Variants in NCAM1 observed in about 807,000 individuals in gnomAD.
The protein encoded by NCAM1 is antigen recognized by monoclonal antibody 5.1H11.
In NCAM1, 14 loss-of-function variants were observed where a neutral mutation model predicts 109.8. The observed-to-expected ratio is 0.13, with a 90% confidence interval of 0.08 to 0.20. The LOEUF (loss-of-function observed/expected upper bound fraction) is 0.20, where lower values mean the gene tolerates loss of function less well. Ranked by LOEUF, NCAM1 falls within the 10% of genes least tolerant of loss-of-function variation. The probability of loss-of-function intolerance (pLI) is 1.00; values close to 1 mark genes in which losing one functional copy is unlikely to be tolerated. For missense variants in NCAM1, 774 were observed against 1,109.9 expected (o/e 0.70, Z 4.30); for synonymous variants, 418 against 442.9 (o/e 0.94, Z 0.70).
At chr11:113,172,925 T>C (rs1943037488) in intron 1 of NCAM1, among the ~76,000 whole-genome samples, 1 of 152,220 alleles carries the variant, frequency 6.6e-6, no homozygotes, top group South Asian at 2.1e-4. Context: ...CGAACTGAGA[T>C]GCAAATGATG....
intron 1 of NCAM1, among the ~76,000 whole-genome samples, chr11:113,005,476 G>A (rs1555073162): frequency 6.6e-6 from 1 of 152,142 alleles, no homozygotes; most frequent in South Asian, 2.1e-4. Flanking sequence ...TTGCTCTGGT[G>A]TTCTGGGACT....
intron 1 of NCAM1, among the ~76,000 whole-genome samples, chr11:113,160,268 A>G (rs2136342656): frequency 6.6e-6 from 1 of 152,314 alleles, no homozygotes; most frequent in East Asian, 1.9e-4. Context: ...AGTTGACAGC[A>G]TGAATGCAAT....
intron 1 of NCAM1, among the ~76,000 whole-genome samples, chr11:113,051,088 T>C (rs59598942): frequency 0.19 from 29,420 of 152,118 alleles, 3,099 homozygotes; most frequent in East Asian, 0.46. Flanking sequence ...CCTGAACCAA[T>C]GTGCTAAATT....
intron 1 of NCAM1, among the ~76,000 whole-genome samples, chr11:112,994,255 A>G (rs568663374): frequency 6.6e-6 from 1 of 152,318 alleles, no homozygotes; most frequent in African/African-American, 2.4e-5. Context: ...ACAAGGTGTG[A>G]CTTCTAGACT....
At chr11:112,994,763 A>G (rs1245943326) in intron 1 of NCAM1, among the ~76,000 whole-genome samples, 2 of 152,108 alleles carry the variant, frequency 1.3e-5, no homozygotes, top group Admixed American at 6.5e-5. Context: ...AGGTCCCCCA[A>G]AGATGTATTT....
At chr11:113,156,579 G>A (rs1290455325) in intron 1 of NCAM1, among the ~76,000 whole-genome samples, 6 of 152,182 alleles carry the variant, frequency 3.9e-5, no homozygotes, top group Admixed American at 3.9e-4. Context: ...GATTTGTCAT[G>A]ACGTGGGCAA....
At chr11:113,119,851 G>T (rs1396424087) in intron 1 of NCAM1, among the ~76,000 whole-genome samples, 1 of 152,174 alleles carries the variant, frequency 6.6e-6, no homozygotes, top group Non-Finnish European at 1.5e-5. Context: ...CAGCCCCATA[G>T]ATCTACACAC....
chr11:113,134,623 C>T (rs1941532434), intron 1 of NCAM1, among the ~76,000 whole-genome samples: 1 of 152,114 alleles, frequency 6.6e-6, no homozygotes, highest in East Asian at 1.9e-4. Flanking sequence ...GTTCCTATTC[C>T]CTGTCCTATA....
chr11:113,160,052 C>T (rs782338647), intron 1 of NCAM1, among the ~76,000 whole-genome samples: 21 of 152,170 alleles, frequency 1.4e-4, no homozygotes, highest in East Asian at 9.7e-4. Flanking sequence ...CTAGGTTTCA[C>T]GTGTACCTGC....
At chr11:113,271,062 C>A (rs990443342) in intron 18 of NCAM1, among the ~76,000 whole-genome samples, 1 of 152,082 alleles carries the variant, frequency 6.6e-6, no homozygotes, top group African/African-American at 2.4e-5. Flanking sequence ...TATGCATATA[C>A]ATGTATGTGC....
At chr11:112,997,936 C>T (rs1193612133) in intron 1 of NCAM1, among the ~76,000 whole-genome samples, 1 of 152,100 alleles carries the variant, frequency 6.6e-6, no homozygotes, top group Admixed American at 6.6e-5. Flanking sequence ...TGCTTCGATC[C>T]TTTCCAGTGG....
chr11:113,136,587 A>G (rs1256299932), intron 1 of NCAM1, among the ~76,000 whole-genome samples: 2 of 152,188 alleles, frequency 1.3e-5, no homozygotes, highest in African/African-American at 2.4e-5. Flanking sequence ...TGCTTCTCAA[A>G]GTTGGTGGTG....
chr11:113,034,172 G>C (rs1194595918), intron 1 of NCAM1, among the ~76,000 whole-genome samples: 2 of 152,132 alleles, frequency 1.3e-5, no homozygotes, highest in African/African-American at 4.8e-5. Flanking sequence ...CTGGGGGTCA[G>C]TTTCTTTCTC....
intron 14 of NCAM1, among the ~76,000 whole-genome samples, chr11:113,239,328 C>T (rs565520899): frequency 2.6e-5 from 4 of 152,326 alleles, no homozygotes; most frequent in South Asian, 2.1e-4. Context: ...TGCCTTGAGA[C>T]GGGCTGCTTG....
chr11:113,033,437 A>T (rs1175242313), intron 1 of NCAM1, among the ~76,000 whole-genome samples: 2 of 152,194 alleles, frequency 1.3e-5, no homozygotes, highest in African/African-American at 4.8e-5. Flanking sequence ...CAGAATGAAG[A>T]CTGATGAAAG....
Position 112,961,558 on chromosome 11 carries a change from G to T in NCAM1, c.-55G>T, listed in dbSNP as rs781918129. On this transcript the variant is annotated 5_prime_UTR_variant, in exon 1 of 20. Coordinates refer to ENST00000316851, the MANE Select transcript of NCAM1 (RefSeq NM_181351.5). ...GCCGCCGTCCACACTCGCTGCAGGG[G>T]GGGGGGCACAGAATTTACCGCGGCA... The T allele has an allele frequency of 3.3e-5, 37 of 1,129,596 alleles. No homozygotes were observed. The highest frequency in any genetic ancestry group is 1.1e-4 in the African/African-American group (7 of 65,272). 70.0% of individuals were successfully genotyped at this position (1,129,596 alleles called of 1,614,324 possible).
At position 112,961,667 on chromosome 11, in the gene NCAM1, AC is replaced by A. The variant is rs1285048774; in HGVS notation, c.52+4del. 6.9e-6 allele frequency: 10 copies of A among 1,441,016 alleles called. No individual in the cohort carries two copies. The highest frequency in any genetic ancestry group is 9.6e-6 in the Non-Finnish European group (10 of 1,042,762). The allele number at this position is 1,441,016 out of a possible 1,614,324, so 89.3% of individuals were successfully genotyped here. ...TTTGTTTTTCCTGGGAACTGCAGGT[AC>A]ATTTTTTTTTTTTTTAATTCTCAAT... On this transcript the variant is annotated splice_donor_region_variant and intron_variant, in intron 1 of 19. Coordinates refer to ENST00000316851, the MANE Select transcript of NCAM1 (RefSeq NM_181351.5).
chr11:113,152,246 T>A (rs1410526864), intron 1 of NCAM1, among the ~76,000 whole-genome samples: 2 of 152,218 alleles, frequency 1.3e-5, no homozygotes, highest in African/African-American at 4.8e-5. Context: ...AGGCCCTGCC[T>A]TTGCAAACAA....
chr11:113,099,088 T>C (rs1939743391), intron 1 of NCAM1, among the ~76,000 whole-genome samples: 2 of 152,224 alleles, frequency 1.3e-5, no homozygotes, highest in South Asian at 4.1e-4. Context: ...AGGTAGGCGC[T>C]ATTACTTTCC....
Sources: gnomAD v4.1 joint callset for allele counts (sites outside exome capture counted in the v4.1 genomes callset) on GRCh38, gnomAD v4.1.1 for gene constraint, MANE v1.5 for transcripts, NCBI Gene and HGNC (gene_info 2026-07-23, HGNC 2026-07-21) for gene names.